DPYD: variants seen among roughly 807,000 people sequenced by gnomAD.
DPYD encodes dihydropyrimidine dehydrogenase [NADP(+)].
In DPYD, 109 loss-of-function variants were observed where a neutral mutation model predicts 116.2. The ratio of observed to expected loss-of-function variants is 0.94; its 90% CI spans 0.80 to 1.10. The LOEUF (loss-of-function observed/expected upper bound fraction) is 1.10. Ranked by LOEUF, DPYD falls within the 50% of genes least tolerant of loss-of-function variation. The pLI is 0.00. For missense variants in DPYD, 1,302 were observed against 1,254.5 expected, an observed-to-expected ratio of 1.04 and a Z score of -0.57; for synonymous variants, 440 against 432.0, an observed-to-expected ratio of 1.02 and a Z score of -0.23.
chr1:97,646,942 C>T (rs550339662), intron 8 of DPYD, among the ~76,000 whole-genome samples: 3 of 152,090 alleles, frequency 2.0e-5, no homozygotes, highest in African/African-American at 7.2e-5. Context: ...CTTCCCCTCA[C>T]CAGCATTGCT....
At chr1:97,582,910 G>A (rs1340376807) in intron 10 of DPYD, among the ~76,000 whole-genome samples, 1 of 152,124 alleles carries the variant, frequency 6.6e-6, no homozygotes, top group Non-Finnish European at 1.5e-5. Context: ...GCTTAAAATG[G>A]CTTGACACAA....
chr1:97,506,170 C>T (rs1401318589), intron 13 of DPYD, among the ~76,000 whole-genome samples: 1 of 151,800 alleles, frequency 6.6e-6, no homozygotes, highest in Non-Finnish European at 1.5e-5. Flanking sequence ...AACAAAATAG[C>T]CAATGTAGGT....
rs143020029 is a variant in DPYD at position 97,341,489 on chromosome 1, G to A, written c.2058+32072C>T. 2.2e-3 allele frequency among the ~76,000 whole-genome samples: 333 copies of A among 152,178 alleles called. 2 individuals are homozygous for A. Among genetic ancestry groups the A allele is most frequent in the African/African-American group, 7.7e-3 (318 of 41,534 alleles). Reference sequence around the variant, plus strand: ...CACAGGATATACATAGGAACCCATGGAATTTTCATCTCTCTAAGTTCTTTT... The same window carrying A: ...CACAGGATATACATAGGAACCCATGAAATTTTCATCTCTCTAAGTTCTTTT... On this transcript the variant is annotated intron_variant, in intron 16 of 22. Coordinates refer to ENST00000370192, the MANE Select transcript of DPYD (RefSeq NM_000110.4).
intron 18 of DPYD, among the ~76,000 whole-genome samples, chr1:97,251,078 G>T (rs963663750): frequency 6.6e-6 from 1 of 152,056 alleles, no homozygotes; most frequent in African/African-American, 2.4e-5. Flanking sequence ...TGAAATATGA[G>T]GACATCTTCC....
intron 12 of DPYD, among the ~76,000 whole-genome samples, chr1:97,519,541 C>A (rs1648486119): frequency 6.6e-6 from 1 of 152,112 alleles, no homozygotes. Flanking sequence ...AGTAAAGAGC[C>A]TGCCCTTTAG....
intron 8 of DPYD, among the ~76,000 whole-genome samples, chr1:97,596,747 G>T (rs202218209): frequency 6.6e-6 from 1 of 152,200 alleles, no homozygotes; most frequent in South Asian, 2.1e-4. Context: ...TGGGTTGCCT[G>T]TAATCAGCAA....
chr1:97,895,818 T>C (rs922384115), intron 1 of DPYD, among the ~76,000 whole-genome samples: 5 of 151,794 alleles, frequency 3.3e-5, no homozygotes, highest in African/African-American at 9.7e-5. Flanking sequence ...ATACACTTTG[T>C]TTCAATGCCT....
At chr1:97,680,121 T>C (rs928376931) in intron 7 of DPYD, among the ~76,000 whole-genome samples, 5 of 152,204 alleles carry the variant, frequency 3.3e-5, no homozygotes, top group African/African-American at 1.2e-4. Flanking sequence ...ATCGTTCTCC[T>C]AGTCTCTAAG....
At chr1:97,189,825 G>A (rs1051181924) in intron 20 of DPYD, among the ~76,000 whole-genome samples, 46 of 152,136 alleles carry the variant, frequency 3.0e-4, no homozygotes, top group African/African-American at 1.1e-3. Flanking sequence ...CCAGCAAGGT[G>A]TGGGGTAGCA....
At chr1:97,225,011 A>G (rs200433881) in intron 19 of DPYD, among the ~76,000 whole-genome samples, 81 of 63,308 alleles carry the variant, frequency 1.3e-3, no homozygotes, top group Middle Eastern at 0.018. Context: ...CTGTCTATCT[A>G]TCTATCTATC....
rs139543806 is a variant in DPYD at position 97,500,823 on chromosome 1, T to A, written c.1740+14903A>T. Among the ~76,000 whole-genome samples, 8 of 152,186 alleles carry A rather than the reference T, an allele frequency of 5.3e-5. 1 individual carries two copies. In the East Asian group the frequency reaches 1.6e-3, roughly 30 times the overall value. ...TTTCCACTAAATCCGTATTCTGTCA[T>A]CCACTGGCAGGGAGTTTTCCAGTCA... On this transcript the variant is annotated intron_variant, in intron 13 of 22. Transcript: ENST00000370192.
At chr1:97,776,869 T>C (rs923187860) in intron 3 of DPYD, among the ~76,000 whole-genome samples, 1 of 152,224 alleles carries the variant, frequency 6.6e-6, no homozygotes, top group African/African-American at 2.4e-5. Flanking sequence ...TATTTTTCTT[T>C]AGGACTTTAT....
rs557292309 is a variant in DPYD, at chr1:97,307,247, G to A, written c.2059-950C>T. Among the ~76,000 whole-genome samples the A allele has an allele frequency of 6.6e-5, 10 of 151,734 alleles. No homozygotes were observed. In the East Asian group the frequency reaches 1.4e-3, roughly 21 times the overall value. On this transcript the variant is annotated intron_variant, in intron 16 of 22. Coordinates refer to ENST00000370192, the MANE Select transcript of DPYD (RefSeq NM_000110.4). ...AAGTATGCAATAGCAATTCATTATC[G>A]AACTTGGTAATATTATCTTAGCAAG...
At chr1:97,211,011 C>T (rs1659997723) in intron 19 of DPYD, among the ~76,000 whole-genome samples, 1 of 152,098 alleles carries the variant, frequency 6.6e-6, no homozygotes, top group Non-Finnish European at 1.5e-5. Flanking sequence ...ACTCTTGACC[C>T]TCCTAAATTA....
At chr1:97,603,900 T>C (rs1655416337) in intron 8 of DPYD, among the ~76,000 whole-genome samples, 4 of 152,236 alleles carry the variant, frequency 2.6e-5, no homozygotes, top group East Asian at 1.9e-4. Flanking sequence ...GCCTTTGCTA[T>C]AGTACTGGAA....
At chr1:97,559,267 C>A (rs1018599674) in intron 11 of DPYD, among the ~76,000 whole-genome samples, 5 of 152,022 alleles carry the variant, frequency 3.3e-5, no homozygotes, top group African/African-American at 1.2e-4. Context: ...TTCCCATTTG[C>A]TGCATTTAAC....
chr1:97,456,857 T>A (rs963482737), intron 13 of DPYD, among the ~76,000 whole-genome samples: 5 of 152,100 alleles, frequency 3.3e-5, no homozygotes, highest in African/African-American at 1.2e-4. Context: ...AAACTCTCCA[T>A]AGTCTTGAAT....
At chr1:97,749,642 C>T (rs908985242) in intron 3 of DPYD, among the ~76,000 whole-genome samples, 22 of 152,134 alleles carry the variant, frequency 1.4e-4, no homozygotes, top group African/African-American at 4.6e-4. Flanking sequence ...ATTTAGTTAA[C>T]ACGTAGCCAT....
intron 18 of DPYD, among the ~76,000 whole-genome samples, chr1:97,242,666 T>C (rs879429026): frequency 3.3e-5 from 5 of 151,836 alleles, no homozygotes; most frequent in African/African-American, 4.8e-5. Flanking sequence ...ATTTTTATAA[T>C]GTTCCTAAAA....
Sources: allele counts gnomAD v4.1 joint callset (sites outside exome capture counted in the v4.1 genomes callset), GRCh38; gene constraint gnomAD v4.1.1; transcripts MANE v1.5; gene names NCBI Gene and HGNC (gene_info 2026-07-23, HGNC 2026-07-21).